Variants in MTMR7 observed in about 807,000 individuals in gnomAD.
MTMR7 encodes myotubularin related protein 7.
In MTMR7, 76 loss-of-function variants were observed where a neutral mutation model predicts 81.2. The observed-to-expected ratio is 0.94, with a 90% CI of 0.78 to 1.13. The LOEUF (loss-of-function observed/expected upper bound fraction) is 1.13, where lower values mean the gene tolerates loss of function less well. Ranked by LOEUF, MTMR7 falls within the 50% of genes most tolerant of loss-of-function variation. MTMR7 has a pLI of 0.00. For synonymous variants in MTMR7, 372 were observed against 289.8 expected (o/e 1.28, Z -2.88); for missense variants, 1,044 against 820.0 (o/e 1.27, Z -3.34).
chr8:17,408,403 A>T (rs1414370508), intron 1 of MTMR7, among the ~76,000 whole-genome samples: 1 of 150,546 alleles, frequency 6.6e-6, no homozygotes, highest in African/African-American at 2.5e-5. Context: ...CTCAAAAAAA[A>T]AAAAAAAAAA....
intron 7 of MTMR7, 65 bp downstream of exon 7, chr8:17,331,085 T>C (rs1818975865): frequency 6.5e-7 from 1 of 1,547,918 alleles, no homozygotes; most frequent in Admixed American, 2.0e-5. Context: ...CAAGACTATC[T>C]TATTCCCTTT....
intron 10 of MTMR7, among the ~76,000 whole-genome samples, chr8:17,308,301 C>A (rs955294785): frequency 6.6e-6 from 1 of 152,026 alleles, no homozygotes; most frequent in Non-Finnish European, 1.5e-5. Flanking sequence ...AACTGCCTAG[C>A]GTGTAATATT....
intron 1 of MTMR7, among the ~76,000 whole-genome samples, chr8:17,404,058 C>T (rs1038455286): frequency 1.8e-4 from 27 of 151,716 alleles, no homozygotes; most frequent in Admixed American, 4.6e-4. Flanking sequence ...TAGATGCTTT[C>T]TGTGTGAGGA....
intron 1 of MTMR7, among the ~76,000 whole-genome samples, chr8:17,393,015 G>A (rs1821150772): frequency 6.6e-6 from 1 of 152,096 alleles, no homozygotes; most frequent in African/African-American, 2.4e-5. Flanking sequence ...GAAAACCAAA[G>A]CTTTCAAGAT....
At chr8:17,358,283 A>C (rs1383102700) in intron 4 of MTMR7, among the ~76,000 whole-genome samples, 1 of 152,186 alleles carries the variant, frequency 6.6e-6, no homozygotes, top group African/African-American at 2.4e-5. Context: ...ATCATATAAA[A>C]TAGAATTCAA....
chr8:17,300,497 C>A (rs554976007), intron 13 of MTMR7, among the ~76,000 whole-genome samples: 17 of 152,284 alleles, frequency 1.1e-4, no homozygotes, highest in Admixed American at 1.0e-3. Context: ...GAACCCTAGT[C>A]TCCCTCTTTT....
At chr8:17,327,054 T>C (rs1434000000) in intron 7 of MTMR7, among the ~76,000 whole-genome samples, 1 of 152,204 alleles carries the variant, frequency 6.6e-6, no homozygotes, top group Non-Finnish European at 1.5e-5. Context: ...AATAAGAATA[T>C]GCAAGCAATT....
chr8:17,332,445 G>A (rs867758244), intron 6 of MTMR7, among the ~76,000 whole-genome samples: 2 of 152,104 alleles, frequency 1.3e-5, no homozygotes, highest in Admixed American at 1.3e-4. Flanking sequence ...GATACACAAT[G>A]GTTTATCATG....
chr8:17,321,618 G>C (rs1818392262), intron 7 of MTMR7, among the ~76,000 whole-genome samples: 1 of 152,200 alleles, frequency 6.6e-6, no homozygotes, highest in Admixed American at 6.5e-5. Context: ...AAACTGTTGG[G>C]TTTGTTTGGA....
rs528608743 is a variant in MTMR7 at position 17,308,962 on chromosome 8, A to G, written c.1151+315T>C. On this transcript the variant is annotated intron_variant, in intron 10 of 13. Coordinates refer to ENST00000180173, the MANE Select transcript of MTMR7 (RefSeq NM_004686.5). ...GACTAAAGTGAATCTCTGGACTTCTAAAATGGAATAATTTAGTAAGTCACA... is the reference window on the plus strand; with the variant it reads ...GACTAAAGTGAATCTCTGGACTTCTGAAATGGAATAATTTAGTAAGTCACA... 2.0e-5 allele frequency among the ~76,000 whole-genome samples: 3 copies of G among 152,348 alleles called. No individual in the cohort carries two copies. The East Asian group carries it at 5.8e-4, about 29-fold the overall frequency.
At chr8:17,304,294 G>T in intron 12 of MTMR7, 85 bp downstream of exon 12, 1 of 1,474,768 alleles carries the variant, frequency 6.8e-7, no homozygotes, top group Non-Finnish European at 9.3e-7. Context: ...AAAGATCAGT[G>T]TCATACACTT....
At chr8:17,380,444 G>A (rs1301844187) in intron 1 of MTMR7, among the ~76,000 whole-genome samples, 1 of 152,006 alleles carries the variant, frequency 6.6e-6, no homozygotes, top group Non-Finnish European at 1.5e-5. Flanking sequence ...ATCCTGCAGG[G>A]AACAGGTGGC....
intron 4 of MTMR7, among the ~76,000 whole-genome samples, chr8:17,360,271 T>C (rs1042305990): frequency 7.9e-5 from 12 of 152,182 alleles, no homozygotes; most frequent in African/African-American, 2.2e-4. Flanking sequence ...CAGAAGACTA[T>C]TGGCCAGATA....
intron 1 of MTMR7, among the ~76,000 whole-genome samples, chr8:17,413,058 C>G (rs1201738416): frequency 1.3e-5 from 2 of 152,236 alleles, no homozygotes; most frequent in East Asian, 3.9e-4. Flanking sequence ...TCAGACCCAG[C>G]AGCAGCTAAG....
chr8:17,344,804 T>C (rs1407483950), intron 5 of MTMR7, among the ~76,000 whole-genome samples: 5 of 152,116 alleles, frequency 3.3e-5, no homozygotes, highest in African/African-American at 7.2e-5. Flanking sequence ...GCCTAACACA[T>C]AGGAAGTTTC....
intron 7 of MTMR7, among the ~76,000 whole-genome samples, chr8:17,329,726 G>T (rs10453161): frequency 0.55 from 83,707 of 152,008 alleles, 23,595 homozygotes; most frequent in East Asian, 0.78. Context: ...CAGTACCAAG[G>T]AGTCCAATTT....
chr8:17,353,665 G>T (rs1819800477), intron 4 of MTMR7, among the ~76,000 whole-genome samples: 1 of 152,184 alleles, frequency 6.6e-6, no homozygotes, highest in Non-Finnish European at 1.5e-5. Context: ...GAGAAGTTCA[G>T]AGGAATGGAA....
In MTMR7 at chr8:17,371,130, G is replaced by GATTC; in HGVS notation, c.216_217insGAAT (p.Arg73GlufsTer36). ...TGTATTATCTGAAAGTTCTTGCAGCGAATCAGCAGAGGGCATCCGGTAGCG... is the reference window on the plus strand; with the variant it reads ...TGTATTATCTGAAAGTTCTTGCAGCGATTCAATCAGCAGAGGGCATCCGGTAGCG... On this transcript the variant is annotated frameshift_variant, in exon 3 of 14. Transcript: ENST00000180173. LOFTEE classifies it high-confidence loss of function. The GATTC allele has an allele frequency of 1.2e-6, 2 of 1,614,184 alleles. No individual in the cohort carries two copies.
At chr8:17,340,762 G>A (rs980461802) in intron 6 of MTMR7, among the ~76,000 whole-genome samples, 4 of 152,134 alleles carry the variant, frequency 2.6e-5, no homozygotes, top group Non-Finnish European at 2.9e-5. Context: ...CAATCAACAA[G>A]TAGAAAGCCC....
Sources: allele counts gnomAD v4.1 joint callset (sites outside exome capture counted in the v4.1 genomes callset), GRCh38; gene constraint gnomAD v4.1.1; transcripts MANE v1.5; gene names NCBI Gene and HGNC (gene_info 2026-07-23, HGNC 2026-07-21).